The following BACH2 variants were observed in gnomAD, a reference collection of about 807,000 sequenced individuals.
The protein encoded by BACH2 is transcription regulator protein BACH2.
Under a neutral mutation model 61.8 loss-of-function variants are expected in BACH2, and 5 were observed. The ratio of observed to expected loss-of-function variants is 0.08; its 90% CI spans 0.04 to 0.17. The LOEUF is 0.17. Ranked by LOEUF, BACH2 falls within the 10% of genes least tolerant of loss-of-function variation. The pLI, the probability that BACH2 is intolerant of heterozygous loss-of-function variation, is 1.00. For synonymous variants in BACH2, 446 were observed against 440.1 expected (o/e 1.01, Z -0.17); for missense variants, 824 against 1,091.1 (o/e 0.76, Z 3.45).
At position 90,009,916 on chromosome 6, in the gene BACH2, C is replaced by T. The variant is rs559837184; in HGVS notation, c.-12-1060G>A. ...CTGACCTCAGGTGATCCACCCGCCT[C>T]GGCCTCCCAAAGTGCTGGGATTACA... On this transcript the variant is annotated intron_variant, in intron 5 of 8. Coordinates refer to ENST00000257749, the MANE Select transcript of BACH2 (RefSeq NM_021813.4). 9.8e-5 allele frequency among the ~76,000 whole-genome samples: 15 copies of T among 152,334 alleles called. No individual in the cohort carries two copies. The South Asian group carries it at 2.1e-3, about 21-fold the overall frequency.
chr6:89,961,716 T>C (rs982962106), intron 6 of BACH2, among the ~76,000 whole-genome samples: 1 of 152,242 alleles, frequency 6.6e-6, no homozygotes, highest in Admixed American at 6.5e-5. Flanking sequence ...TAGTCAGTTA[T>C]GAGTTCTTAC....
chr6:90,089,897 T>C (rs1293295750), intron 4 of BACH2, among the ~76,000 whole-genome samples: 8 of 152,156 alleles, frequency 5.3e-5, no homozygotes, highest in Admixed American at 5.2e-4. Context: ...CAAAAATAGA[T>C]GCATATTCTT....
intron 1 of BACH2, among the ~76,000 whole-genome samples, chr6:90,296,092 G>T (rs1042031451): frequency 6.6e-6 from 1 of 152,024 alleles, no homozygotes. Flanking sequence ...GACAGCTGCT[G>T]CGGCTCGCGC....
At chr6:90,018,341 C>G (rs907274695) in intron 5 of BACH2, among the ~76,000 whole-genome samples, 1 of 152,206 alleles carries the variant, frequency 6.6e-6, no homozygotes, top group Admixed American at 6.5e-5. Context: ...TTAGTGCTGT[C>G]TCTTCAACTG....
intron 5 of BACH2, among the ~76,000 whole-genome samples, chr6:90,038,128 A>G (rs1056285927): frequency 1.3e-5 from 2 of 152,224 alleles, no homozygotes; most frequent in African/African-American, 4.8e-5. Flanking sequence ...AAGCCTTAGG[A>G]AACTAGAACA....
At chr6:89,942,043 G>A (rs1773464043) in intron 7 of BACH2, among the ~76,000 whole-genome samples, 1 of 97,950 alleles carries the variant, frequency 1.0e-5, no homozygotes, top group South Asian at 3.2e-4. Flanking sequence ...CAGAGGAAAA[G>A]GTAATGGGTC....
chr6:90,127,016 T>C (rs1296146701), intron 4 of BACH2, among the ~76,000 whole-genome samples: 2 of 152,218 alleles, frequency 1.3e-5, no homozygotes, highest in African/African-American at 2.4e-5. Context: ...TGACAACTCC[T>C]ACTGTACAAA....
chr6:90,105,160 AT>A, intron 4 of BACH2, among the ~76,000 whole-genome samples: 1 of 152,212 alleles, frequency 6.6e-6, no homozygotes, highest in South Asian at 2.1e-4. Flanking sequence ...GCAGTTATGC[AT>A]TACACAAGCC....
intron 1 of BACH2, among the ~76,000 whole-genome samples, chr6:90,296,149 C>G (rs543138190): frequency 2.6e-5 from 4 of 152,098 alleles, no homozygotes; most frequent in African/African-American, 7.2e-5. Flanking sequence ...TGACTTATTA[C>G]TCTCTGCTCC....
At chr6:90,080,935 G>A (rs1781698378) in intron 5 of BACH2, among the ~76,000 whole-genome samples, 1 of 152,072 alleles carries the variant, frequency 6.6e-6, no homozygotes, top group African/African-American at 2.4e-5. Context: ...TCTGACTTGT[G>A]TTGTAAAAAC....
At chr6:90,231,985 C>CAGAGAGAGAG (rs542457957) in intron 3 of BACH2, among the ~76,000 whole-genome samples, 1 of 149,260 alleles carries the variant, frequency 6.7e-6, no homozygotes, top group East Asian at 2.0e-4. Context: ...GAGAGAGAGA[C>CAGAGAGAGAG]AGAGAGAGAG....
Position 89,938,711 on chromosome 6 carries a change from A to C in BACH2, c.1837-361T>G, listed in dbSNP as rs537381134. On this transcript the variant is annotated intron_variant, in intron 7 of 8. Coordinates refer to ENST00000257749, the MANE Select transcript of BACH2 (RefSeq NM_021813.4). The stretch of plus-strand genomic sequence containing the variant: ...CTACAGCCTAACTCAATAAAATGAC[A>C]AGTTATAGGGAGATACCACATAAGG... Among the ~76,000 whole-genome samples, 24 of 152,344 alleles carry C rather than the reference A, an allele frequency of 1.6e-4. No individual in the cohort carries two copies. In the South Asian group the frequency reaches 4.8e-3, roughly 30 times the overall value.
chr6:89,936,390 C>A (rs1479400841), intron 8 of BACH2, among the ~76,000 whole-genome samples: 4 of 152,172 alleles, frequency 2.6e-5, no homozygotes, highest in Non-Finnish European at 4.4e-5. Flanking sequence ...GATCCTCCTG[C>A]CTCAGCCTCC....
chr6:90,065,836 G>A (rs1056565956), intron 5 of BACH2, among the ~76,000 whole-genome samples: 9 of 152,216 alleles, frequency 5.9e-5, no homozygotes, highest in South Asian at 2.1e-4. Flanking sequence ...AGCACGACAC[G>A]TGTGGGAAAC....
intron 5 of BACH2, among the ~76,000 whole-genome samples, chr6:90,063,116 C>G (rs1008937954): frequency 6.6e-6 from 1 of 152,012 alleles, no homozygotes; most frequent in African/African-American, 2.4e-5. Context: ...CTGAATATAC[C>G]AATAAAATGT....
chr6:90,268,867 T>C (rs1364124715), intron 2 of BACH2, among the ~76,000 whole-genome samples: 1 of 152,118 alleles, frequency 6.6e-6, no homozygotes, highest in African/African-American at 2.4e-5. Flanking sequence ...AAAAAGATAC[T>C]AAATAGATCA....
chr6:90,147,221 A>G (rs1784652262), intron 4 of BACH2, among the ~76,000 whole-genome samples: 1 of 152,240 alleles, frequency 6.6e-6, no homozygotes, highest in African/African-American at 2.4e-5. Context: ...AAATTGACCC[A>G]AACTGCCAGA....
chr6:90,295,462 G>T (rs886790330), intron 1 of BACH2, among the ~76,000 whole-genome samples: 1 of 152,036 alleles, frequency 6.6e-6, no homozygotes, highest in Admixed American at 6.5e-5. Context: ...CTCTCCCCTC[G>T]TGGGCACCTA....
rs148312948 is a variant in BACH2 at position 89,982,341 on chromosome 6, T to A, written c.243+26261A>T. Among the ~76,000 whole-genome samples, 240 of 151,760 alleles carry A rather than the reference T, an allele frequency of 1.6e-3. 1 individual carries two copies. The highest frequency in any genetic ancestry group is 5.6e-3 in the African/African-American group (231 of 41,354). On this transcript the variant is annotated intron_variant, in intron 6 of 8. Coordinates refer to ENST00000257749, the MANE Select transcript of BACH2 (RefSeq NM_021813.4). ...GGCACGTGGGGGTGGGGTAGAGAGGTCACTACTGCATCTAAAAGGGCAGAG... is the reference window on the plus strand; with the variant it reads ...GGCACGTGGGGGTGGGGTAGAGAGGACACTACTGCATCTAAAAGGGCAGAG...
Sources: gnomAD v4.1 joint callset for allele counts (sites outside exome capture counted in the v4.1 genomes callset) on GRCh38, gnomAD v4.1.1 for gene constraint, MANE v1.5 for transcripts, NCBI Gene and HGNC (gene_info 2026-07-23, HGNC 2026-07-21) for gene names.